Variants in TINAGL1 observed in about 807,000 individuals in gnomAD.
The protein encoded by TINAGL1 is tubulointerstitial nephritis antigen like 1.
A neutral mutation model predicts 62.0 loss-of-function variants in TINAGL1; 34 were observed. The ratio of observed to expected loss-of-function variants is 0.55; its 90% CI spans 0.42 to 0.73. TINAGL1 has a LOEUF of 0.73. TINAGL1 is among the 30% of genes least tolerant of loss of function. The pLI is 0.00. For synonymous variants in TINAGL1, 221 were observed against 249.7 expected, an observed-to-expected ratio of 0.88 and a Z score of 1.08; for missense variants, 516 against 653.2, an observed-to-expected ratio of 0.79 and a Z score of 2.29.
At chr1:31,580,444 G>A (rs766062651) in intron 3 of TINAGL1, 1 of 1,289,320 alleles carries the variant, frequency 7.8e-7, no homozygotes, top group South Asian at 1.2e-5. Context: ...AGTGTCCAGG[G>A]TGTCAGAGCC....
At position 31,585,791 on chromosome 1, in the gene TINAGL1, G is replaced by C; in HGVS notation, c.1132G>C (p.Gly378Arg). 1.2e-6 allele frequency: 2 copies of C among 1,613,686 alleles called. No homozygotes were observed. The highest frequency in any genetic ancestry group is 1.7e-6 in the Non-Finnish European group (2 of 1,179,852). Reference protein sequence around the residue: ...EVHEDFFLYKGGIYSHTPVSL... With the variant: ...EVHEDFFLYKRGIYSHTPVSL... ...GCATGAGGACTTCTTCCTATACAAG[G>C]GAGGCATCTACAGCCACACGCCAGT... The change falls in exon 10 of 12, where the codon GGA becomes CGA. Residue 378 changes from glycine (G) to arginine (R), a missense_variant. Gly to Arg is a moderately radical substitution (Grantham distance 125). Transcript: ENST00000271064. The surrounding 1 kb of genome is among the most constrained non-coding windows in gnomAD (Gnocchi z 4.3).
In TINAGL1 at chr1:31,583,750, T is replaced by C; in HGVS notation, c.582+175T>C. The C allele has an allele frequency of 4.8e-6, 3 of 626,234 alleles. No individual in the cohort carries two copies. In the Admixed American group the frequency reaches 8.1e-5, roughly 17 times the overall value. The allele number at this position is 626,234 out of a possible 1,614,324, so 38.8% of individuals were successfully genotyped here. ...CTCTGTTCCCTGCTTCCACAGGATG[T>C]GCTGTGCTGGAAGAACTGATGCTCA... is the stretch of plus-strand genomic sequence containing the variant. On this transcript the variant is annotated intron_variant, in intron 5 of 11. Transcript: ENST00000271064. The surrounding 1 kb of genome is among the most constrained non-coding windows in gnomAD (Gnocchi z 4.4).
Position 31,584,850 on chromosome 1 carries a change from G to A in TINAGL1, c.707-36G>A. ...GCCTGGGAGAGGAGGGCCAAGTCCT[G>A]AGCCTCCCGACAGCCCCTCTATCTC... On this transcript the variant is annotated intron_variant, in intron 6 of 11. Transcript: ENST00000271064. The surrounding 1 kb of genome is among the most constrained non-coding windows in gnomAD (Gnocchi z 4.0). 1 of 1,613,830 alleles carries A rather than the reference G, an allele frequency of 6.2e-7. No individual in the cohort carries two copies. Among genetic ancestry groups the A allele is most frequent in the Non-Finnish European group, 8.5e-7 (1 of 1,179,698 alleles).
Position 31,584,500 on chromosome 1 carries a change from G to T in TINAGL1, c.583-178G>T. ...ACCTGATACCTGGGAGGCACTAAAT[G>T]GTGCTTGGTTCTTCAACACAAGTCA... On this transcript the variant is annotated intron_variant, in intron 5 of 11. Coordinates refer to ENST00000271064, the MANE Select transcript of TINAGL1 (RefSeq NM_022164.3). The surrounding 1 kb of genome is among the most constrained non-coding windows in gnomAD (Gnocchi z 4.0). The T allele has an allele frequency of 3.5e-5, 29 of 831,174 alleles. No homozygotes were observed. Among genetic ancestry groups the T allele is most frequent in the East Asian group, 5.8e-5 (2 of 34,472 alleles). 51.5% of individuals were successfully genotyped at this position (831,174 alleles called of 1,614,324 possible).
chr1:31,586,021 A>G, intron 10 of TINAGL1, 145 bp downstream of exon 10: 2 of 1,182,976 alleles, frequency 1.7e-6, no homozygotes, highest in Non-Finnish European at 2.3e-6. Context: ...ACTCAGAAAG[A>G]GAAAGGACTT....
chr1:31,577,242 G>C lies in TINAGL1; in HGVS notation c.94G>C (p.Ala32Pro), dbSNP rs1399654407. Residue 32 changes from alanine to proline, a missense_variant, in exon 2 of 12, where the codon GCA becomes CCA. Coordinates refer to ENST00000271064, the MANE Select transcript of TINAGL1 (RefSeq NM_022164.3). The surrounding 1 kb of genome is among the most constrained non-coding windows in gnomAD (Gnocchi z 5.4). ...AQQGRGRREL[A>P]PGLHLRGIRD... ...GCAGGGTCGTGGGCGCCGGGAGCTAGCACCGGGTCTGCACCTGCGGGGCAT... is the reference window on the plus strand; with the variant it reads ...GCAGGGTCGTGGGCGCCGGGAGCTACCACCGGGTCTGCACCTGCGGGGCAT... 7 of 1,608,594 alleles carry C rather than the reference G, an allele frequency of 4.4e-6. No individual in the cohort carries two copies. The highest frequency in any genetic ancestry group is 5.1e-6 in the Non-Finnish European group (6 of 1,178,280).
chr1:31,584,744 A>G lies in TINAGL1; in HGVS notation c.649A>G (p.Ile217Val). The change falls in exon 6 of 12, where the codon ATT (isoleucine) becomes GTT (valine). Residue 217 changes from isoleucine to valine, a missense_variant. Transcript: ENST00000271064. The surrounding 1 kb of genome is among the most constrained non-coding windows in gnomAD (Gnocchi z 4.0). Reference sequence around the variant, plus strand: ...GGCCTCTGAGAAGTGGCCCAACCTGATTCATGAGCCTCTTGACCAAGGCAA... The same window carrying G: ...GGCCTCTGAGAAGTGGCCCAACCTGGTTCATGAGCCTCTTGACCAAGGCAA... ...FEASEKWPNL[I>V]HEPLDQGNCA... is the part of the protein sequence containing the mutation. 6.2e-7 allele frequency: 1 copy of G among 1,614,208 alleles called. No individual in the cohort carries two copies. The highest frequency in any genetic ancestry group is 8.5e-7 in the Non-Finnish European group (1 of 1,180,028).
rs575470176 is a variant in TINAGL1, at chr1:31,577,751, A to G, written c.310+293A>G. The G allele has an allele frequency of 7.3e-6, 3 of 408,622 alleles. No homozygotes were observed. The East Asian group carries it at 1.3e-4, about 17-fold the overall frequency. The allele number at this position is 408,622 out of a possible 1,614,324, so 25.3% of individuals were successfully genotyped here. On this transcript the variant is annotated intron_variant, in intron 2 of 11. Coordinates refer to ENST00000271064, the MANE Select transcript of TINAGL1 (RefSeq NM_022164.3). This position sits in a 1 kb window ranked among gnomAD's most constrained non-coding sequence, Gnocchi z 5.4. ...CCTGCTGACTCACTCTTGGGCTGATAAGGCACATATGGGTTGGTGAGGGTC... is the reference window on the plus strand; with the variant it reads ...CCTGCTGACTCACTCTTGGGCTGATGAGGCACATATGGGTTGGTGAGGGTC...
In TINAGL1 at chr1:31,585,971, C is replaced by A. The variant is rs1570220634; in HGVS notation, c.1217+95C>A. 7.0e-6 allele frequency: 10 copies of A among 1,424,352 alleles called. No homozygotes were observed. In the East Asian group the frequency reaches 2.3e-4, roughly 32 times the overall value. The allele number at this position is 1,424,352 out of a possible 1,614,324, so 88.2% of individuals were successfully genotyped here. ...GGGTTCTTACAACCTCTCTAAAAAG[C>A]CAGGACTGCTCTCATCATTTCAATA... On this transcript the variant is annotated intron_variant, in intron 10 of 11. Transcript: ENST00000271064. The surrounding 1 kb of genome is among the most constrained non-coding windows in gnomAD (Gnocchi z 4.3).
At position 31,586,810 on chromosome 1, in the gene TINAGL1, C is replaced by CCTCACCACCCCT. The variant is rs778267044; in HGVS notation, c.1264-28_1264-27insTCACCACCCCTC. The CCTCACCACCCCT allele has an allele frequency of 6.5e-6, 10 of 1,545,752 alleles. No homozygotes were observed. In the South Asian group the frequency reaches 1.2e-4, roughly 19 times the overall value. On this transcript the variant is annotated intron_variant, in intron 11 of 11. Transcript: ENST00000271064. ...TCTTCCCCTCGCCCCACTCCCATTC[C>CCTCACCACCCCT]CCTTCTCACCACCCCTCCTTATTCC...
At position 31,584,649 on chromosome 1, in the gene TINAGL1, A is replaced by C. The variant is rs769176763; in HGVS notation, c.583-29A>C. 15 of 1,612,310 alleles carry C rather than the reference A, an allele frequency of 9.3e-6. No homozygotes were observed. In the Middle Eastern group the frequency reaches 6.4e-4, roughly 69 times the overall value. ...GAGGGGCAGGCCAGGGCAGAGCAGG[A>C]GGCAGACAGGGCAACCTTTATCTTG... is the stretch of plus-strand genomic sequence containing the variant. On this transcript the variant is annotated intron_variant, in intron 5 of 11. Transcript: ENST00000271064. This position sits in a 1 kb window ranked among gnomAD's most constrained non-coding sequence, Gnocchi z 4.0.
rs1557561240 is a variant in TINAGL1 at position 31,584,444 on chromosome 1, A to G, written c.583-234A>G. On this transcript the variant is annotated intron_variant, in intron 5 of 11. Coordinates refer to ENST00000271064, the MANE Select transcript of TINAGL1 (RefSeq NM_022164.3). The surrounding 1 kb of genome is among the most constrained non-coding windows in gnomAD (Gnocchi z 4.0). ...GCTGCCTCATCTGGGAAGCAGGACT[A>G]GTCACCACCGCCACCCCGCCCCGCC... 2 of 560,178 alleles carry G rather than the reference A, an allele frequency of 3.6e-6. No homozygotes were observed. The allele number at this position is 560,178 out of a possible 1,614,324, so 34.7% of individuals were successfully genotyped here.
Position 31,587,322 on chromosome 1 carries a change from CTTTT to C in TINAGL1, c.*356_*359del, listed in dbSNP as rs937483688. ...CACTACCCCACCCCACTCCTGTATT[CTTTT>C]TTTTTTTTTTTTAGACAGGGTCTTG... On this transcript the variant is annotated 3_prime_UTR_variant, in exon 12 of 12. Transcript: ENST00000271064. 1.2e-4 allele frequency: 18 copies of C among 150,646 alleles called. No homozygotes were observed. Among genetic ancestry groups the C allele is most frequent in the Non-Finnish European group, 1.5e-4 (11 of 71,322 alleles). 9.3% of individuals were successfully genotyped at this position (150,646 alleles called of 1,614,324 possible).
intron 3 of TINAGL1, chr1:31,580,534 G>T (rs1639216186): frequency 7.8e-7 from 1 of 1,289,216 alleles, no homozygotes; most frequent in Non-Finnish European, 1.0e-6. Flanking sequence ...TGCAGAGAGG[G>T]AAAGGAAGGA....
Position 31,587,081 on chromosome 1 carries a change from G to C in TINAGL1, c.*102G>C, listed in dbSNP as rs1344679876. The C allele has an allele frequency of 2.3e-6, 3 of 1,328,370 alleles. No individual in the cohort carries two copies. The highest frequency in any genetic ancestry group is 2.9e-6 in the Non-Finnish European group (3 of 1,044,980). 82.3% of individuals were successfully genotyped at this position (1,328,370 alleles called of 1,614,324 possible). ...CCCCAGCCTCGCCCGACAGAGCCCGGGGCGCAGGCGGGCGCCAGGGCGCTA... is the reference window on the plus strand; with the variant it reads ...CCCCAGCCTCGCCCGACAGAGCCCGCGGCGCAGGCGGGCGCCAGGGCGCTA... On this transcript the variant is annotated 3_prime_UTR_variant, in exon 12 of 12. Transcript: ENST00000271064.
rs879072950 is a variant in TINAGL1, at chr1:31,585,749, A to G, written c.1094-4A>G. The G allele has an allele frequency of 2.5e-6, 4 of 1,612,468 alleles. No individual in the cohort carries two copies. Among genetic ancestry groups the G allele is most frequent in the Non-Finnish European group, 3.4e-6 (4 of 1,179,300 alleles). On this transcript the variant is annotated splice_region_variant and splice_polypyrimidine_tract_variant and intron_variant, in intron 9 of 11. Transcript: ENST00000271064. This position sits in a 1 kb window ranked among gnomAD's most constrained non-coding sequence, Gnocchi z 4.3. ...GTGGACCCTACCTTGACATCTGCCC[A>G]CAGCCCTCATGGAGGTGCATGAGGA...
rs1050510318 is a variant in TINAGL1, at chr1:31,576,684, C to T, written c.-16+89C>T. The T allele has an allele frequency of 1.9e-5, 3 of 157,878 alleles. No individual in the cohort carries two copies. The highest frequency in any genetic ancestry group is 4.2e-5 in the Non-Finnish European group (3 of 72,278). 9.8% of individuals were successfully genotyped at this position (157,878 alleles called of 1,614,324 possible). ...CAGGTAGAGGAACCAAGACAGATGG[C>T]AGAGAGAGGGACAGTGGAGGGGGAC... On this transcript the variant is annotated intron_variant, in intron 1 of 11. Transcript: ENST00000271064. This position sits in a 1 kb window ranked among gnomAD's most constrained non-coding sequence, Gnocchi z 5.1.
At position 31,586,697 on chromosome 1, in the gene TINAGL1, G is replaced by C. The variant is rs752771962; in HGVS notation, c.1218-13G>C. ...GACCCAGCTCCCTTCCCCCTCCTCT[G>C]CTCTGCCCACAGATGGGGAGAGGAG... is the stretch of plus-strand genomic sequence containing the variant. On this transcript the variant is annotated splice_polypyrimidine_tract_variant and intron_variant, in intron 10 of 11. Transcript: ENST00000271064. 7.7e-6 allele frequency: 12 copies of C among 1,557,496 alleles called. No homozygotes were observed. The highest frequency in any genetic ancestry group is 1.0e-5 in the Non-Finnish European group (12 of 1,150,284).
chr1:31,586,086 C>G, intron 10 of TINAGL1: 1 of 542,250 alleles, frequency 1.8e-6, no homozygotes, highest in Non-Finnish European at 3.1e-6. Context: ...AGGAACTGTT[C>G]CTTCCTTACA....
Sources: gnomAD v4.1 joint callset for allele counts on GRCh38, gnomAD v4.1.1 for gene constraint, Gnocchi (gnomAD v3.1) non-coding constraint, MANE v1.5 for transcripts, NCBI Gene and HGNC (gene_info 2026-07-23, HGNC 2026-07-21) for gene names.